The following RANGAP1 variants were observed in gnomAD, a reference collection of about 807,000 sequenced individuals.
RANGAP1 encodes Ran GTPase activating protein 1, also known as ran GTPase-activating protein 1.
A neutral mutation model predicts 63.5 loss-of-function variants in RANGAP1; 38 were observed. The ratio of observed to expected loss-of-function variants is 0.60; its 90% CI spans 0.46 to 0.78. The LOEUF is 0.78. Among genes scored for constraint, RANGAP1 ranks in the 30% least tolerant of loss-of-function variants. The pLI is 0.00. For synonymous variants in RANGAP1, 329 were observed against 310.5 expected, an observed-to-expected ratio of 1.06 and a Z score of -0.63; for missense variants, 630 against 740.3, an observed-to-expected ratio of 0.85 and a Z score of 1.73.
At position 41,283,967 on chromosome 22, in the gene RANGAP1, G is replaced by T. The variant is rs539957009; in HGVS notation, c.-39+2019C>A. Among the ~76,000 whole-genome samples the T allele has an allele frequency of 9.8e-5, 15 of 152,330 alleles. No individual in the cohort carries two copies. The East Asian group carries it at 2.9e-3, about 29-fold the overall frequency. ...ATTGCATAAAAATTAACCAGGCCAG[G>T]GCCGGGCGCAAAGGCTCACACCTAT... On this transcript the variant is annotated intron_variant, in intron 1 of 15. Coordinates refer to ENST00000356244, the MANE Select transcript of RANGAP1 (RefSeq NM_002883.4).
At chr22:41,258,341 G>C (rs766997274) in intron 6 of RANGAP1, among the ~76,000 whole-genome samples, 1 of 152,236 alleles carries the variant, frequency 6.6e-6, no homozygotes, top group African/African-American at 2.4e-5. Context: ...TCAAAGAGGC[G>C]AAGTGACTTG....
intron 2 of RANGAP1, chr22:41,280,586 G>C: frequency 9.0e-7 from 1 of 1,104,996 alleles, no homozygotes; most frequent in South Asian, 1.3e-5. Context: ...GGGATCATGG[G>C]GGTTAAGGGC....
intron 10 of RANGAP1, chr22:41,254,743 T>G (rs1601605844): frequency 1.5e-6 from 1 of 667,050 alleles, no homozygotes; most frequent in Non-Finnish European, 1.9e-6. Context: ...GAGGCCGAGG[T>G]GGGTGGATCA....
At position 41,258,026 on chromosome 22, in the gene RANGAP1, G is replaced by A. The variant is rs2229753; in HGVS notation, c.696C>T (p.Phe232=). Residue 232 remains phenylalanine (F), a synonymous_variant, in exon 7 of 16, where the codon TTC becomes TTT. Coordinates refer to ENST00000356244, the MANE Select transcript of RANGAP1 (RefSeq NM_002883.4). ...TGACCCGCAGCAGGGGGTTGACAGC[G>A]AAAGCCTGGGCCAGGGCAGTGATGC... ...HPGITALAQA[F]AVNPLLRVIN... is the part of the protein sequence containing the mutation. 30,631 of 1,613,098 alleles carry A rather than the reference G, an allele frequency of 0.019. 408 individuals carry two copies. Among genetic ancestry groups the A allele is most frequent in the Non-Finnish European group, 0.021 (24,699 of 1,179,466 alleles).
chr22:41,282,109 G>A (rs1178684828), intron 1 of RANGAP1: 2 of 152,302 alleles, frequency 1.3e-5, no homozygotes, highest in Admixed American at 6.6e-5. Context: ...GGGTGACAGA[G>A]TAAAACCCTG....
At chr22:41,278,747 C>A (rs1255954999) in intron 2 of RANGAP1, among the ~76,000 whole-genome samples, 1 of 152,220 alleles carries the variant, frequency 6.6e-6, no homozygotes, top group Non-Finnish European at 1.5e-5. Flanking sequence ...ACGCAAGCAT[C>A]AAAAGTGATA....
chr22:41,269,054 T>A (rs1245849833), intron 3 of RANGAP1, among the ~76,000 whole-genome samples: 1 of 152,232 alleles, frequency 6.6e-6, no homozygotes, highest in East Asian at 1.9e-4. Context: ...ATAGAAGTGC[T>A]TTGAAATTAC....
chr22:41,274,549 A>T, intron 3 of RANGAP1, 51 bp downstream of exon 3: 1 of 1,607,326 alleles, frequency 6.2e-7, no homozygotes, highest in Non-Finnish European at 8.5e-7. Flanking sequence ...TGGAAGTGTG[A>T]ACAGAAGCTT....
At position 41,249,403 on chromosome 22, in the gene RANGAP1, C is replaced by T. The variant is rs367631916; in HGVS notation, c.1621G>A (p.Ala541Thr). 50 of 1,614,124 alleles carry T rather than the reference C, an allele frequency of 3.1e-5. No individual in the cohort carries two copies. The East Asian group carries it at 8.2e-4, about 27-fold the overall frequency. Residue 541 changes from alanine (A) to threonine (T), a missense_variant, in exon 15 of 16, where the codon GCG becomes ACG. Ala to Thr is a moderately conservative substitution (Grantham distance 58). Around this residue, in one of 3 missense-constraint regions of RANGAP1, gnomAD observed 428 missense variants for 465.5 expected, o/e 0.92. Transcript: ENST00000356244. ...TCCTGCTGCACCATGTGGTTCAGCG[C>T]CATCAGGGGGCCGTACAGGTTGGCA... ...AIANLYGPLMALNHMVQQDYF... is the reference protein window; with the variant it reads ...AIANLYGPLMTLNHMVQQDYF...
At chr22:41,296,896 C>A in the RANGAP1 span, among the ~76,000 whole-genome samples, 1 of 152,094 alleles carries the variant, frequency 6.6e-6, no homozygotes, top group African/African-American at 2.4e-5. Context: ...TGGTTCAGGT[C>A]AAATCCAAAG....
chr22:41,270,625 T>C (rs888880624), intron 3 of RANGAP1, among the ~76,000 whole-genome samples: 74 of 152,226 alleles, frequency 4.9e-4, no homozygotes, highest in Non-Finnish European at 8.5e-4. Flanking sequence ...TTTTTGTATC[T>C]TTTGTAGAGT....
chr22:41,299,054 G>A, the RANGAP1 span, among the ~76,000 whole-genome samples: 1 of 151,964 alleles, frequency 6.6e-6, no homozygotes, highest in Non-Finnish European at 1.5e-5. Flanking sequence ...ATTCATCAGG[G>A]CTTCATTTTC....
At position 41,249,668 on chromosome 22, in the gene RANGAP1, G is replaced by C. The variant is rs974267183; in HGVS notation, c.1572+61C>G. Reference sequence around the variant, plus strand: ...AGGGAGGTTGGCGGGCATGGCTGGGGCAGCTTCTGTGCAGACCCCACCCAC... The same window carrying C: ...AGGGAGGTTGGCGGGCATGGCTGGGCCAGCTTCTGTGCAGACCCCACCCAC... On this transcript the variant is annotated intron_variant, in intron 14 of 15. Transcript: ENST00000356244. 3.2e-6 allele frequency: 5 copies of C among 1,567,478 alleles called. No individual in the cohort carries two copies. The African/African-American group carries it at 6.8e-5, about 21-fold the overall frequency.
intron 1 of RANGAP1, among the ~76,000 whole-genome samples, chr22:41,284,104 G>T (rs535599227): frequency 6.6e-6 from 1 of 151,828 alleles, no homozygotes; most frequent in Non-Finnish European, 1.5e-5. Flanking sequence ...AAAATTAGCC[G>T]GGCCTGGTGG....
upstream of RANGAP1, among the ~76,000 whole-genome samples, chr22:41,290,127 G>T (rs1474991618): frequency 7.0e-6 from 1 of 142,288 alleles, no homozygotes; most frequent in Non-Finnish European, 1.5e-5. Context: ...CTGAATGATA[G>T]AACAAGACCC....
At chr22:41,298,957 G>C in the RANGAP1 span, among the ~76,000 whole-genome samples, 1 of 152,238 alleles carries the variant, frequency 6.6e-6, no homozygotes, top group East Asian at 1.9e-4. Flanking sequence ...CCGCCTTCCT[G>C]GTTTATAGAT....
intron 5 of RANGAP1, among the ~76,000 whole-genome samples, chr22:41,264,033 C>A (rs2034321960): frequency 6.6e-6 from 1 of 152,238 alleles, no homozygotes; most frequent in Non-Finnish European, 1.5e-5. Context: ...TGTCCCCAGC[C>A]CTTTTCTCCC....
Position 41,280,968 on chromosome 22 carries a change from T to C in RANGAP1, c.77A>G (p.Lys26Arg). The change falls in exon 2 of 16, where the codon AAA becomes AGA. Residue 26 changes from lysine (K) to arginine (R), a missense_variant. Around this residue, in one of 3 missense-constraint regions of RANGAP1, gnomAD observed 65 missense variants for 60.5 expected, o/e 1.07. Coordinates refer to ENST00000356244, the MANE Select transcript of RANGAP1 (RefSeq NM_002883.4). ...AGTGTTGAGTTTGAGGCTCTTGCCT[T>C]TGAAACTCAGCTGTCCCCCGGCCAC... ...TQVAGGQLSF[K>R]GKSLKLNTAE... 1 of 1,614,004 alleles carries C rather than the reference T, an allele frequency of 6.2e-7. No individual in the cohort carries two copies. Among genetic ancestry groups the C allele is most frequent in the Non-Finnish European group, 8.5e-7 (1 of 1,180,002 alleles).
rs1300543557 is a variant in RANGAP1 at position 41,249,760 on chromosome 22, G to T, written c.1541C>A (p.Thr514Asn). 2.5e-6 allele frequency: 4 copies of T among 1,613,928 alleles called. No individual in the cohort carries two copies. The highest frequency in any genetic ancestry group is 1.6e-4 in the Middle Eastern group (1 of 6,084). Residue 514 changes from threonine to asparagine, a missense_variant, in exon 14 of 16, where the codon ACC (threonine) becomes AAC (asparagine). Around this residue, in one of 3 missense-constraint regions of RANGAP1, gnomAD observed 428 missense variants for 465.5 expected, o/e 0.92. Coordinates refer to ENST00000356244, the MANE Select transcript of RANGAP1 (RefSeq NM_002883.4). ...SSSFNSNTFL[T>N]RLLVHMGLLK... ...CAGACCCATGTGCACGAGCAGCCTG[G>T]TGAGGAAGGTGTTGGAGTTGAAGGA...
Sources: allele counts gnomAD v4.1 joint callset (sites outside exome capture counted in the v4.1 genomes callset), GRCh38; gene constraint gnomAD v4.1.1; regional missense constraint gnomAD v4.1.1; transcripts MANE v1.5; gene names NCBI Gene and HGNC (gene_info 2026-07-23, HGNC 2026-07-21).